NBEA: variants seen among roughly 807,000 people sequenced by gnomAD.
NBEA encodes the protein lysosomal-trafficking regulator 2.
A neutral mutation model predicts 343.4 loss-of-function variants in NBEA; 44 were observed. The ratio of observed to expected loss-of-function variants is 0.13; its 90% CI spans 0.10 to 0.16. The LOEUF is 0.16. Among genes scored for constraint, NBEA ranks in the 10% least tolerant of loss-of-function variants. NBEA has a pLI of 1.00. For missense variants in NBEA, 2,555 were observed against 3,631.3 expected, an observed-to-expected ratio of 0.70 and a Z score of 7.62; for synonymous variants, 1,175 against 1,238.7, an observed-to-expected ratio of 0.95 and a Z score of 1.08.
intron 11 of NBEA, among the ~76,000 whole-genome samples, chr13:35,107,222 C>T (rs1396002003): frequency 1.3e-5 from 2 of 151,660 alleles, no homozygotes; most frequent in Non-Finnish European, 2.9e-5. Context: ...ATTGATATTC[C>T]TTTAAATATG....
intron 41 of NBEA, among the ~76,000 whole-genome samples, chr13:35,544,364 AAAC>A (rs67938950): frequency 0.07 from 10,664 of 152,132 alleles, 610 homozygotes; most frequent in East Asian, 0.21. Context: ...AGCTATCACT[AAAC>A]AAGTATTTTT....
Position 35,131,995 on chromosome 13 carries a change from A to T in NBEA, c.2336+8421A>T, listed in dbSNP as rs150737024. On this transcript the variant is annotated intron_variant, in intron 17 of 58. Transcript: ENST00000379939. ...AACAAAACCACAGCATAGACTACTT[A>T]CTGAATGCTTATGCATTGCTGATGG... Among the ~76,000 whole-genome samples the T allele has an allele frequency of 9.2e-5, 14 of 152,320 alleles. No homozygotes were observed. In the East Asian group the frequency reaches 2.7e-3, roughly 29 times the overall value.
intron 38 of NBEA, among the ~76,000 whole-genome samples, chr13:35,362,897 A>C (rs2040891414): frequency 6.6e-6 from 1 of 152,032 alleles, no homozygotes; most frequent in Non-Finnish European, 1.5e-5. Context: ...AAGTGACATA[A>C]GGTAAGCACT....
At chr13:35,565,849 G>T (rs1411362340) in intron 44 of NBEA, among the ~76,000 whole-genome samples, 3 of 152,056 alleles carry the variant, frequency 2.0e-5, no homozygotes, top group African/African-American at 7.2e-5. Context: ...CTAAGATCGA[G>T]CAGTTCTTCG....
chr13:35,366,657 C>T (rs1421787652), intron 38 of NBEA, among the ~76,000 whole-genome samples: 3 of 148,868 alleles, frequency 2.0e-5, no homozygotes, highest in East Asian at 1.9e-4. Flanking sequence ...TTTTTAACTA[C>T]AGTACGTTCC....
intron 48 of NBEA, among the ~76,000 whole-genome samples, chr13:35,611,596 A>T (rs2082526076): frequency 6.6e-6 from 1 of 152,172 alleles, no homozygotes; most frequent in Non-Finnish European, 1.5e-5. Context: ...CTCCAGCCCA[A>T]GGCAACTGCT....
intron 6 of NBEA, among the ~76,000 whole-genome samples, chr13:35,052,907 G>A (rs1899946): frequency 0.046 from 6,937 of 151,972 alleles, 236 homozygotes; most frequent in Non-Finnish European, 0.067. Context: ...ATTATCTTAA[G>A]TTAATGGTAC....
intron 33 of NBEA, among the ~76,000 whole-genome samples, chr13:35,212,610 G>A (rs2073845205): frequency 6.6e-6 from 1 of 152,050 alleles, no homozygotes; most frequent in Non-Finnish European, 1.5e-5. Flanking sequence ...AATGCAAAAT[G>A]GTTTGCAAAA....
At chr13:35,064,483 T>G (rs2063576842) in intron 8 of NBEA, among the ~76,000 whole-genome samples, 1 of 152,116 alleles carries the variant, frequency 6.6e-6, no homozygotes, top group Non-Finnish European at 1.5e-5. Context: ...ATATCAATAA[T>G]GCCCAATTGT....
At chr13:35,012,943 T>C (rs572080891) in intron 1 of NBEA, among the ~76,000 whole-genome samples, 2 of 152,346 alleles carry the variant, frequency 1.3e-5, no homozygotes, top group South Asian at 4.1e-4. Flanking sequence ...TTGAATGGCA[T>C]TAGGTTGGCT....
intron 36 of NBEA, among the ~76,000 whole-genome samples, chr13:35,317,823 C>T (rs1051594403): frequency 6.6e-6 from 1 of 152,114 alleles, no homozygotes; most frequent in African/African-American, 2.4e-5. Flanking sequence ...TCCTTCACAT[C>T]CCTTGTGAGT....
At chr13:35,111,411 A>G (rs1187450038) in intron 13 of NBEA, among the ~76,000 whole-genome samples, 7 of 151,668 alleles carry the variant, frequency 4.6e-5, no homozygotes, top group African/African-American at 1.5e-4. Context: ...TTTTGAAAAT[A>G]TAGCCAGTTT....
Position 35,040,491 on chromosome 13 carries a change from C to T in NBEA, c.295-442C>T, listed in dbSNP as rs2062609108. 2.0e-5 allele frequency among the ~76,000 whole-genome samples: 3 copies of T among 151,722 alleles called. 1 individual carries two copies. The South Asian group carries it at 6.3e-4, about 32-fold the overall frequency. On this transcript the variant is annotated intron_variant, in intron 1 of 58. Coordinates refer to ENST00000379939, the MANE Select transcript of NBEA (RefSeq NM_001385012.1). ...TATGAGTTTCATATTTCTTTATCTTCTATATATTGAGATTATGCCCCAGTT... is the reference window on the plus strand; with the variant it reads ...TATGAGTTTCATATTTCTTTATCTTTTATATATTGAGATTATGCCCCAGTT...
chr13:35,494,083 G>T (rs2076590430), intron 41 of NBEA, among the ~76,000 whole-genome samples: 1 of 151,628 alleles, frequency 6.6e-6, no homozygotes, highest in African/African-American at 2.4e-5. Flanking sequence ...TTTATAAAGG[G>T]TATAATGAAT....
In NBEA at chr13:35,513,902, T is replaced by A. The variant is rs145674013; in HGVS notation, c.6586-36575T>A. Among the ~76,000 whole-genome samples the A allele has an allele frequency of 1.6e-3, 242 of 152,276 alleles. 1 individual carries two copies. Among genetic ancestry groups the A allele is most frequent in the African/African-American group, 4.3e-3 (177 of 41,586 alleles). ...TCAAATATAATTTGAGATTAGAAAA[T>A]CTATTTTATTACACATTAATCATTT... On this transcript the variant is annotated intron_variant, in intron 41 of 58. Transcript: ENST00000379939.
chr13:35,046,087 G>A (rs938814874), intron 4 of NBEA, among the ~76,000 whole-genome samples: 1 of 152,036 alleles, frequency 6.6e-6, no homozygotes, highest in African/African-American at 2.4e-5. Context: ...ATTTTTCCAT[G>A]TTGTAGTTTT....
At chr13:35,324,270 T>C (rs1263835223) in intron 36 of NBEA, among the ~76,000 whole-genome samples, 2 of 152,372 alleles carry the variant, frequency 1.3e-5, no homozygotes, top group African/African-American at 2.4e-5. Context: ...TTTTAGCCTA[T>C]GCAAGAGTCC....
intron 34 of NBEA, among the ~76,000 whole-genome samples, chr13:35,287,257 A>G (rs933804734): frequency 1.3e-5 from 2 of 151,988 alleles, no homozygotes; most frequent in African/African-American, 4.8e-5. Flanking sequence ...ATATTCTATT[A>G]CTTTGCCTGC....
At chr13:35,521,744 C>T (rs1002048697) in intron 41 of NBEA, among the ~76,000 whole-genome samples, 3 of 152,150 alleles carry the variant, frequency 2.0e-5, no homozygotes, top group Non-Finnish European at 2.9e-5. Context: ...TGGTTTGCCT[C>T]GGCAACAAAT....
Sources: gnomAD v4.1 joint callset for allele counts (sites outside exome capture counted in the v4.1 genomes callset) on GRCh38, gnomAD v4.1.1 for gene constraint, MANE v1.5 for transcripts, NCBI Gene and HGNC (gene_info 2026-07-23, HGNC 2026-07-21) for gene names.